CDADC1: variants seen among roughly 807,000 people sequenced by gnomAD.
CDADC1 encodes the protein dCTP deaminase.
Under a neutral mutation model 54.9 loss-of-function variants are expected in CDADC1, and 39 were observed. The observed-to-expected ratio is 0.71, with a 90% CI of 0.55 to 0.93. The LOEUF (loss-of-function observed/expected upper bound fraction) is 0.93, where lower values mean the gene tolerates loss of function less well. Among genes scored for constraint, CDADC1 ranks in the 40% least tolerant of loss-of-function variants. The probability of loss-of-function intolerance (pLI) is 0.00; values close to 1 mark genes in which losing one functional copy is unlikely to be tolerated. For missense variants in CDADC1, 518 were observed against 618.8 expected (o/e 0.84, Z 1.73); for synonymous variants, 186 against 204.0 (o/e 0.91, Z 0.75).
chr13:49,253,018 A>G (rs1248555040), intron 2 of CDADC1, among the ~76,000 whole-genome samples: 1 of 152,196 alleles, frequency 6.6e-6, no homozygotes, highest in African/African-American at 2.4e-5. Context: ...GTTGAGTACA[A>G]ACTTTTTCCA....
intron 5 of CDADC1, among the ~76,000 whole-genome samples, chr13:49,272,297 C>T (rs1952987436): frequency 6.6e-6 from 1 of 152,110 alleles, no homozygotes; most frequent in South Asian, 2.1e-4. Flanking sequence ...ATGTTTATAA[C>T]TTCTGCCACT....
At chr13:49,279,599 G>A (rs1381557410) in intron 7 of CDADC1, among the ~76,000 whole-genome samples, 1 of 152,198 alleles carries the variant, frequency 6.6e-6, no homozygotes, top group Non-Finnish European at 1.5e-5. Context: ...CGGGGAAATG[G>A]AATGGCATTG....
intron 3 of CDADC1, among the ~76,000 whole-genome samples, chr13:49,257,067 G>A (rs1311835095): frequency 6.6e-6 from 1 of 152,176 alleles, no homozygotes; most frequent in East Asian, 1.9e-4. Flanking sequence ...TCTGGGAGTT[G>A]TGGTAAATGG....
intron 8 of CDADC1, among the ~76,000 whole-genome samples, chr13:49,281,329 C>T (rs2138256527): frequency 6.6e-6 from 1 of 152,246 alleles, no homozygotes; most frequent in Middle Eastern, 3.4e-3. Context: ...TCCTTTCTGG[C>T]TTAGAGAGGT....
Position 49,292,471 on chromosome 13 carries a change from CAG to C in CDADC1, c.*718_*719del, listed in dbSNP as rs1402396676. The C allele has an allele frequency of 1.9e-6, 2 of 1,032,364 alleles. No homozygotes were observed. The highest frequency in any genetic ancestry group is 2.3e-6 in the Non-Finnish European group (2 of 858,408). 64.0% of individuals were successfully genotyped at this position (1,032,364 alleles called of 1,614,324 possible). A position where few individuals can be genotyped will look rare whatever the true frequency, so the allele number is the denominator to read the frequency against. ...ACCTCAAATTTGGTTATGATGTTAA[CAG>C]AGAAGAAATATTTGAGTCTGGAATA... is the stretch of plus-strand genomic sequence containing the variant. On this transcript the variant is annotated 3_prime_UTR_variant, in exon 10 of 10. Transcript: ENST00000251108.
At chr13:49,281,198 A>G (rs1953323025) in intron 8 of CDADC1, among the ~76,000 whole-genome samples, 1 of 152,130 alleles carries the variant, frequency 6.6e-6, no homozygotes, top group African/African-American at 2.4e-5. Context: ...CCTAACTGCA[A>G]CTGTTCAGCT....
chr13:49,292,426 C>G lies in CDADC1; in HGVS notation c.*669C>G. 1 of 1,002,602 alleles carries G rather than the reference C, an allele frequency of 1.0e-6. No individual in the cohort carries two copies. Among genetic ancestry groups the G allele is most frequent in the Non-Finnish European group, 1.2e-6 (1 of 840,220 alleles). The allele number at this position is 1,002,602 out of a possible 1,614,324, so 62.1% of individuals were successfully genotyped here. On this transcript the variant is annotated 3_prime_UTR_variant, in exon 10 of 10. Coordinates refer to ENST00000251108, the MANE Select transcript of CDADC1 (RefSeq NM_030911.4). ...GTGTCGCTGCTTGATATCACTGACT[C>G]TTGAAATCACTAACAGTGAACCTCA...
chr13:49,291,755 T>C lies in CDADC1; in HGVS notation c.1543T>C (p.Ter515GlnextTer18), dbSNP rs201418096. ...QDKKLRLGIH[*>Q] ...CAAGAAGCTGCGCCTCGGAATCCAC[T>C]AAGAAGGCCTGTCTACACTGCAGGG... The change falls in exon 10 of 10, where the codon TAA becomes CAA. Residue 515 changes from the stop codon to glutamine, a stop_lost. Coordinates refer to ENST00000251108, the MANE Select transcript of CDADC1 (RefSeq NM_030911.4). The C allele has an allele frequency of 6.2e-7, 1 of 1,614,026 alleles. No individual in the cohort carries two copies. The highest frequency in any genetic ancestry group is 2.2e-5 in the East Asian group (1 of 44,880).
intron 5 of CDADC1, among the ~76,000 whole-genome samples, chr13:49,269,072 G>A (rs1478319353): frequency 6.6e-6 from 1 of 152,088 alleles, no homozygotes; most frequent in East Asian, 1.9e-4. Context: ...ACATAGACAG[G>A]AGGAGCAGTA....
intron 9 of CDADC1, among the ~76,000 whole-genome samples, chr13:49,288,729 A>AAGG (rs758681942): frequency 9.3e-4 from 142 of 152,304 alleles, no homozygotes; most frequent in Non-Finnish European, 1.7e-3. Flanking sequence ...AGTAGCAGGG[A>AAGG]CAAACAGAGA....
intron 9 of CDADC1, among the ~76,000 whole-genome samples, chr13:49,288,624 A>G (rs1953595391): frequency 6.6e-6 from 1 of 152,202 alleles, no homozygotes; most frequent in South Asian, 2.1e-4. Context: ...GAAAGTTACA[A>G]CACCAGCTTT....
intron 8 of CDADC1, among the ~76,000 whole-genome samples, chr13:49,281,869 T>G (rs986947485): frequency 5.6e-4 from 86 of 152,218 alleles, no homozygotes; most frequent in African/African-American, 2.0e-3. Flanking sequence ...CTCGGCTCAC[T>G]GCAAACTCAG....
At chr13:49,268,100 T>C in intron 5 of CDADC1, 41 bp downstream of exon 5, 1 of 1,463,448 alleles carries the variant, frequency 6.8e-7, no homozygotes, top group Non-Finnish European at 9.4e-7. Context: ...ATTGGTTGGG[T>C]TGTATTTGTC....
At chr13:49,261,552 T>C (rs1952688329) in intron 4 of CDADC1, among the ~76,000 whole-genome samples, 2 of 152,234 alleles carry the variant, frequency 1.3e-5, no homozygotes, top group South Asian at 4.1e-4. Flanking sequence ...ATTGCTGTTA[T>C]TGAATTGGAG....
At chr13:49,280,812 A>T (rs543077682) in intron 8 of CDADC1, 114 bp downstream of exon 8, 5 of 216,564 alleles carry the variant, frequency 2.3e-5, no homozygotes, top group Middle Eastern at 3.1e-3. Flanking sequence ...ACAAATTATT[A>T]TTATTATTAT....
intron 4 of CDADC1, among the ~76,000 whole-genome samples, chr13:49,264,404 A>G (rs191482606): frequency 6.6e-6 from 1 of 152,228 alleles, no homozygotes; most frequent in Admixed American, 6.5e-5. Context: ...GAAAGGGAAA[A>G]CACCTTTCCA....
rs1057215006 is a variant in CDADC1, at chr13:49,291,965, G to A, written c.*208G>A. 1.5e-6 allele frequency: 2 copies of A among 1,307,446 alleles called. No homozygotes were observed. Among genetic ancestry groups the A allele is most frequent in the East Asian group, 3.1e-5 (1 of 32,018 alleles). The allele number at this position is 1,307,446 out of a possible 1,614,324, so 81.0% of individuals were successfully genotyped here. On this transcript the variant is annotated 3_prime_UTR_variant, in exon 10 of 10. Transcript: ENST00000251108. ...TGTGGGTTTTCCATAATGTAGTAGT[G>A]TGTTATTTTATTACACGAAATGAGG...
chr13:49,292,837 C>T lies in CDADC1; in HGVS notation c.*1080C>T. On this transcript the variant is annotated 3_prime_UTR_variant, in exon 10 of 10. Transcript: ENST00000251108. Reference sequence around the variant, plus strand: ...AATGTCTTCCTGGATCTGCGGTGGTCAGGTTTGCCTCTGCTTTTGTTCCCT... The same window carrying T: ...AATGTCTTCCTGGATCTGCGGTGGTTAGGTTTGCCTCTGCTTTTGTTCCCT... The T allele has an allele frequency of 2.4e-6, 3 of 1,251,570 alleles. No homozygotes were observed. Among genetic ancestry groups the T allele is most frequent in the Non-Finnish European group, 3.1e-6 (3 of 962,548 alleles). 77.5% of individuals were successfully genotyped at this position (1,251,570 alleles called of 1,614,324 possible).
At chr13:49,277,091 C>A (rs1419833321) in intron 6 of CDADC1, among the ~76,000 whole-genome samples, 1 of 152,134 alleles carries the variant, frequency 6.6e-6, no homozygotes, top group Admixed American at 6.5e-5. Context: ...CACTCTTGTC[C>A]TCAGTTTCCT....
Sources: allele counts gnomAD v4.1 joint callset (sites outside exome capture counted in the v4.1 genomes callset), GRCh38; gene constraint gnomAD v4.1.1; transcripts MANE v1.5; gene names NCBI Gene and HGNC (gene_info 2026-07-23, HGNC 2026-07-21).